Variants in MAGI1 observed in about 807,000 individuals in gnomAD.
The protein encoded by MAGI1 is membrane-associated guanylate kinase, WW and PDZ domain-containing protein 1.
Under a neutral mutation model 139.9 loss-of-function variants are expected in MAGI1, and 58 were observed. The ratio of observed to expected loss-of-function variants is 0.41; its 90% CI spans 0.34 to 0.52. The LOEUF is 0.52. MAGI1 is among the 20% of genes least tolerant of loss of function. The pLI, the probability that MAGI1 is intolerant of heterozygous loss-of-function variation, is 0.12. For missense variants in MAGI1, 1,874 were observed against 1,901.6 expected (o/e 0.99, Z 0.27); for synonymous variants, 812 against 737.9 (o/e 1.10, Z -1.63).
chr3:65,959,598 A>ATTTTTT (rs199630517), intron 1 of MAGI1, among the ~76,000 whole-genome samples: 3 of 137,846 alleles, frequency 2.2e-5, no homozygotes, highest in Non-Finnish European at 3.1e-5. Flanking sequence ...CCATCCCAGC[A>ATTTTTT]TTTTTATTAT....
At position 65,950,235 on chromosome 3, in the gene MAGI1, C is replaced by A. The variant is rs375945360; in HGVS notation, c.313+87761G>T. ...AGGAGATGAAAGTAGACTAGACCAC[C>A]CAAGTGGGTAACTTAGCACTGGCTG... On this transcript the variant is annotated intron_variant, in intron 1 of 22. Coordinates refer to ENST00000402939, the MANE Select transcript of MAGI1 (RefSeq NM_001033057.2). Among the ~76,000 whole-genome samples the A allele has an allele frequency of 2.1e-4, 32 of 151,710 alleles. No individual in the cohort carries two copies. In the East Asian group the frequency reaches 3.1e-3, roughly 15 times the overall value.
At chr3:65,504,246 T>C (rs1021439478) in intron 2 of MAGI1, among the ~76,000 whole-genome samples, 1 of 152,194 alleles carries the variant, frequency 6.6e-6, no homozygotes, top group Non-Finnish European at 1.5e-5. Flanking sequence ...CACAGAATGA[T>C]TGTGAGACCA....
At chr3:65,928,984 C>A (rs2062660618) in intron 1 of MAGI1, among the ~76,000 whole-genome samples, 1 of 151,976 alleles carries the variant, frequency 6.6e-6, no homozygotes, top group Non-Finnish European at 1.5e-5. Context: ...ATGCTTTCAG[C>A]TTATTTAATG....
intron 1 of MAGI1, among the ~76,000 whole-genome samples, chr3:65,900,635 C>CA (rs2061186614): frequency 1.3e-5 from 2 of 152,262 alleles, no homozygotes; most frequent in East Asian, 3.9e-4. Flanking sequence ...CAAAGAAACA[C>CA]AAAAAGGCAA....
chr3:65,375,648 C>T lies in MAGI1; in HGVS notation c.3196+97G>A, dbSNP rs776562648. On this transcript the variant is annotated intron_variant, in intron 18 of 22. Transcript: ENST00000402939. ...ACTAAATTAATACTATTCAGTTACA[C>T]GAACACTAATCAAAGAGAGAGAAAG... 4.4e-5 allele frequency: 46 copies of T among 1,052,468 alleles called. 1 individual carries two copies. Among genetic ancestry groups the T allele is most frequent in the African/African-American group, 9.6e-5 (6 of 62,326 alleles). The allele number at this position is 1,052,468 out of a possible 1,614,324, so 65.2% of individuals were successfully genotyped here. A position where few individuals can be genotyped will look rare whatever the true frequency, so the allele number is the denominator to read the frequency against.
At chr3:65,744,694 T>C (rs1363206415) in intron 1 of MAGI1, among the ~76,000 whole-genome samples, 1 of 147,394 alleles carries the variant, frequency 6.8e-6, no homozygotes, top group East Asian at 2.0e-4. Context: ...GTTTTTGTTT[T>C]CTGTTTTTTT....
intron 1 of MAGI1, among the ~76,000 whole-genome samples, chr3:65,704,911 C>G (rs1012078350): frequency 1.3e-5 from 2 of 152,074 alleles, no homozygotes; most frequent in African/African-American, 2.4e-5. Context: ...TATTTTCCTT[C>G]TAGACCCAAG....
chr3:65,440,847 A>T (rs560922275), intron 8 of MAGI1, among the ~76,000 whole-genome samples: 168 of 32,628 alleles, frequency 5.1e-3, no homozygotes, highest in African/African-American at 9.8e-3. Context: ...ACATATATAC[A>T]TATGTATACA....
At chr3:65,411,992 G>T (rs531395683) in intron 12 of MAGI1, among the ~76,000 whole-genome samples, 1 of 151,998 alleles carries the variant, frequency 6.6e-6, no homozygotes, top group South Asian at 2.1e-4. Context: ...TTTATTATCC[G>T]CACCGAGGCC....
At chr3:65,771,449 C>G (rs1190843021) in intron 1 of MAGI1, among the ~76,000 whole-genome samples, 1 of 152,060 alleles carries the variant, frequency 6.6e-6, no homozygotes, top group East Asian at 1.9e-4. Flanking sequence ...TATCTCTTTA[C>G]AGAACACAGG....
chr3:65,503,011 T>TTATTC (rs2077143418), intron 2 of MAGI1, among the ~76,000 whole-genome samples: 7 of 152,236 alleles, frequency 4.6e-5, no homozygotes, highest in Non-Finnish European at 7.3e-5. Context: ...AAGGGTCACG[T>TTATTC]GAATAAATGT....
chr3:65,400,705 AT>A (rs1944799028), intron 13 of MAGI1, among the ~76,000 whole-genome samples: 1 of 147,356 alleles, frequency 6.8e-6, no homozygotes, highest in Non-Finnish European at 1.5e-5. Context: ...CAACTAGGTA[AT>A]GCATCTTCAG....
At chr3:65,426,758 T>C (rs916926090) in intron 12 of MAGI1, among the ~76,000 whole-genome samples, 2 of 152,194 alleles carry the variant, frequency 1.3e-5, no homozygotes, top group African/African-American at 2.4e-5. Context: ...GAAAGATTAA[T>C]AGTATCTAGT....
intron 2 of MAGI1, among the ~76,000 whole-genome samples, chr3:65,605,138 G>A (rs578097332): frequency 3.0e-4 from 45 of 152,262 alleles, no homozygotes; most frequent in African/African-American, 1.1e-3. Context: ...ATGTCATAAC[G>A]ACCCTTTCAA....
chr3:65,359,038 C>A (rs764130888), intron 22 of MAGI1: 2 of 1,596,358 alleles, frequency 1.3e-6, no homozygotes, highest in Non-Finnish European at 1.7e-6. Context: ...AGCACAGAAA[C>A]ACCTAGTATT....
At chr3:65,590,621 T>C (rs2081926090) in intron 2 of MAGI1, among the ~76,000 whole-genome samples, 1 of 152,204 alleles carries the variant, frequency 6.6e-6, no homozygotes, top group African/African-American at 2.4e-5. Flanking sequence ...CCCCCATTCG[T>C]CTTTAATTAG....
chr3:65,618,245 G>A (rs919356321), intron 2 of MAGI1, among the ~76,000 whole-genome samples: 15 of 152,144 alleles, frequency 9.9e-5, no homozygotes, highest in Non-Finnish European at 1.9e-4. Context: ...TGGAGGAGGA[G>A]AAAGAGAAAT....
intron 1 of MAGI1, among the ~76,000 whole-genome samples, chr3:65,978,652 G>T (rs2065389765): frequency 7.1e-6 from 1 of 141,624 alleles, no homozygotes; most frequent in Non-Finnish European, 1.5e-5. Context: ...TTTTGAGATG[G>T]AGTTTCACTC....
chr3:65,829,436 T>C (rs2042406723), intron 1 of MAGI1, among the ~76,000 whole-genome samples: 1 of 152,160 alleles, frequency 6.6e-6, no homozygotes, highest in African/African-American at 2.4e-5. Context: ...ATTAGTGCTC[T>C]TCTAAAGAGG....
Sources: allele counts gnomAD v4.1 joint callset (sites outside exome capture counted in the v4.1 genomes callset), GRCh38; gene constraint gnomAD v4.1.1; transcripts MANE v1.5; gene names NCBI Gene and HGNC (gene_info 2026-07-23, HGNC 2026-07-21).